DCPS: variants seen among roughly 807,000 people sequenced by gnomAD.
The protein encoded by DCPS is m7GpppX diphosphatase.
A neutral mutation model predicts 34.7 loss-of-function variants in DCPS; 27 were observed. That is an observed-to-expected ratio of 0.78 (90% confidence interval 0.57 to 1.07). DCPS has a LOEUF of 1.07. Ranked by LOEUF, DCPS falls within the 50% of genes least tolerant of loss-of-function variation. The pLI is 0.00. For missense variants in DCPS, 464 were observed against 436.9 expected (o/e 1.06, Z -0.55); for synonymous variants, 185 against 185.7 (o/e 1.00, Z 0.03).
In DCPS at chr11:126,344,713, C is replaced by T. The variant is rs1222460463; in HGVS notation, c.748-634C>T. ...TGGAGGTTGGTAGAAAAAGACCCAC[C>T]CCTGAGCAAGGTGGAGGTGGGCAAA... On this transcript the variant is annotated intron_variant, in intron 5 of 5. Transcript: ENST00000263579. This position sits in a 1 kb window ranked among gnomAD's most constrained non-coding sequence, Gnocchi z 8.1. 6.6e-6 allele frequency among the ~76,000 whole-genome samples: 1 copy of T among 152,128 alleles called. No homozygotes were observed. Among genetic ancestry groups the T allele is most frequent in the African/African-American group, 2.4e-5 (1 of 41,410 alleles).
At position 126,323,804 on chromosome 11, in the gene DCPS, G is replaced by A. The variant is rs903684379; in HGVS notation, c.377-7601G>A. ...TCCAAAGTGCTAGGATTATAGGCAT[G>A]AGCCACCAAACCTGACCCTAAAGTT... On this transcript the variant is annotated intron_variant, in intron 2 of 5. Transcript: ENST00000263579. The surrounding 1 kb of genome is among the most constrained non-coding windows in gnomAD (Gnocchi z 4.4). Among the ~76,000 whole-genome samples, 36 of 152,110 alleles carry A rather than the reference G, an allele frequency of 2.4e-4. No individual in the cohort carries two copies. The highest frequency in any genetic ancestry group is 7.4e-5 in the Non-Finnish European group (5 of 68,012).
In DCPS at chr11:126,315,465, T is replaced by C. The variant is rs1159910724; in HGVS notation, c.376+8721T>C. Among the ~76,000 whole-genome samples, 2 of 151,714 alleles carry C rather than the reference T, an allele frequency of 1.3e-5. No individual in the cohort carries two copies. The highest frequency in any genetic ancestry group is 2.4e-5 in the African/African-American group (1 of 41,184). On this transcript the variant is annotated intron_variant, in intron 2 of 5. Coordinates refer to ENST00000263579, the MANE Select transcript of DCPS (RefSeq NM_014026.6). This position sits in a 1 kb window ranked among gnomAD's most constrained non-coding sequence, Gnocchi z 6.1. ...GTTCCAGCTACTCAGGAGGCTGAAG[T>C]TGGAGGATTGCTTGAGCTCAGGAGG...
At position 126,338,916 on chromosome 11, in the gene DCPS, A is replaced by G. The variant is rs1951855766; in HGVS notation, c.636+517A>G. Among the ~76,000 whole-genome samples, 1 of 152,172 alleles carries G rather than the reference A, an allele frequency of 6.6e-6. No homozygotes were observed. The highest frequency in any genetic ancestry group is 1.5e-5 in the Non-Finnish European group (1 of 68,024). ...CCCTTGGCCCCGTGCCCTGCCTCCA[A>G]GCACCTCTGCTTCTCCTACTTTCCT... On this transcript the variant is annotated intron_variant, in intron 4 of 5. Coordinates refer to ENST00000263579, the MANE Select transcript of DCPS (RefSeq NM_014026.6). This position sits in a 1 kb window ranked among gnomAD's most constrained non-coding sequence, Gnocchi z 5.4.
At chr11:126,304,353 T>G in intron 1 of DCPS, 72 bp downstream of exon 1, 1 of 1,568,742 alleles carries the variant, frequency 6.4e-7, no homozygotes, top group Non-Finnish European at 8.7e-7. Flanking sequence ...GCAGATTTTT[T>G]TTTTTCGGAT....
rs941619662 is a variant in DCPS at position 126,312,128 on chromosome 11, A to G, written c.376+5384A>G. Among the ~76,000 whole-genome samples, 20 of 151,544 alleles carry G rather than the reference A, an allele frequency of 1.3e-4. No individual in the cohort carries two copies. Among genetic ancestry groups the G allele is most frequent in the African/African-American group, 4.6e-4 (19 of 41,232 alleles). On this transcript the variant is annotated intron_variant, in intron 2 of 5. Coordinates refer to ENST00000263579, the MANE Select transcript of DCPS (RefSeq NM_014026.6). This position sits in a 1 kb window ranked among gnomAD's most constrained non-coding sequence, Gnocchi z 5.1. ...GTGTTTTTAGTAGAGATGGGGTTTCACCACATTGGCCAGGCTAGTCTCGGA... is the reference window on the plus strand; with the variant it reads ...GTGTTTTTAGTAGAGATGGGGTTTCGCCACATTGGCCAGGCTAGTCTCGGA...
Position 126,304,196 on chromosome 11 carries a change from C to G in DCPS, c.116C>G (p.Pro39Arg). Residue 39 changes from proline to arginine, a missense_variant, in exon 1 of 6, where the codon CCT becomes CGT. Coordinates refer to ENST00000263579, the MANE Select transcript of DCPS (RefSeq NM_014026.6). ...EAGVGNGTCAPVRLPFSGFRL... is the reference protein window; with the variant it reads ...EAGVGNGTCARVRLPFSGFRL... Reference sequence around the variant, plus strand: ...GGAGTTGGAAATGGTACCTGTGCTCCTGTCCGCTTACCGTTCTCCGGCTTC... The same window carrying G: ...GGAGTTGGAAATGGTACCTGTGCTCGTGTCCGCTTACCGTTCTCCGGCTTC... 2 of 1,614,262 alleles carry G rather than the reference C, an allele frequency of 1.2e-6. No homozygotes were observed. Among genetic ancestry groups the G allele is most frequent in the African/African-American group, 2.7e-5 (2 of 75,070 alleles).
chr11:126,325,963 C>T lies in DCPS; in HGVS notation c.377-5442C>T, dbSNP rs147979956. On this transcript the variant is annotated intron_variant, in intron 2 of 5. Transcript: ENST00000263579. This position sits in a 1 kb window ranked among gnomAD's most constrained non-coding sequence, Gnocchi z 4.3. ...TGAAACCCTGTCTCTACTAAAAATA[C>T]AAGTATTAGCCAGGCGTGGTGGCGT... 6.6e-6 allele frequency among the ~76,000 whole-genome samples: 1 copy of T among 152,054 alleles called. No homozygotes were observed.
In DCPS at chr11:126,309,564, CT is replaced by C. The variant is rs565370718; in HGVS notation, c.376+2827del. ...TATTCAATACAGACGCAATGTCCTT[CT>C]TTTTTTAAGTATTTTTATTCTTCAT... On this transcript the variant is annotated intron_variant, in intron 2 of 5. Transcript: ENST00000263579. Among the ~76,000 whole-genome samples, 539 of 152,278 alleles carry C rather than the reference CT, an allele frequency of 3.5e-3. 2 individuals are homozygous for C. Among genetic ancestry groups the C allele is most frequent in the African/African-American group, 0.011 (472 of 41,558 alleles).
intron 1 of DCPS, among the ~76,000 whole-genome samples, chr11:126,306,232 A>T (rs562590572): frequency 1.3e-5 from 2 of 152,084 alleles, no homozygotes; most frequent in East Asian, 1.9e-4. Context: ...AATTAGCCAG[A>T]TGTGGTGGCA....
chr11:126,324,759 A>G (rs751576132), intron 2 of DCPS, among the ~76,000 whole-genome samples: 10 of 150,004 alleles, frequency 6.7e-5, no homozygotes, highest in Non-Finnish European at 8.8e-5. Flanking sequence ...TATAGGCATG[A>G]GCCACTGTGC....
rs749310940 is a variant in DCPS, at chr11:126,345,366, A to G, written c.767A>G (p.Tyr256Cys). ...HQGQEAILQR[Y>C]RMKGDHLRVY... ...CATCAGGAGGCCATCCTGCAGCGCT[A>G]CCGGATGAAGGGAGACCATCTGCGA... Residue 256 changes from tyrosine to cysteine, a missense_variant, in exon 6 of 6, where the codon TAC becomes TGC. By Grantham distance (194) the Tyr-to-Cys change is radical (BLOSUM62 -2). Transcript: ENST00000263579. This position sits in a 1 kb window ranked among gnomAD's most constrained non-coding sequence, Gnocchi z 7.4. 3 of 1,614,058 alleles carry G rather than the reference A, an allele frequency of 1.9e-6. No homozygotes were observed. Among genetic ancestry groups the G allele is most frequent in the Non-Finnish European group, 8.5e-7 (1 of 1,180,020 alleles).
Position 126,325,416 on chromosome 11 carries a change from T to C in DCPS, c.377-5989T>C, listed in dbSNP as rs751461795. Among the ~76,000 whole-genome samples, 36 of 152,192 alleles carry C rather than the reference T, an allele frequency of 2.4e-4. No individual in the cohort carries two copies. Among genetic ancestry groups the C allele is most frequent in the Non-Finnish European group, 4.9e-4 (33 of 68,038 alleles). On this transcript the variant is annotated intron_variant, in intron 2 of 5. Coordinates refer to ENST00000263579, the MANE Select transcript of DCPS (RefSeq NM_014026.6). This position sits in a 1 kb window ranked among gnomAD's most constrained non-coding sequence, Gnocchi z 4.3. ...ATATGTGTGTGTTTGTGCATGTGTG[T>C]GCATTTGGTGAAGGGATGGTAAAAA...
chr11:126,326,393 TGGG>T (rs1314007218), intron 2 of DCPS, among the ~76,000 whole-genome samples: 1 of 152,190 alleles, frequency 6.6e-6, no homozygotes, highest in African/African-American at 2.4e-5. Context: ...TGTGGGTCCT[TGGG>T]GGCCACTCCA....
intron 1 of DCPS, 96 bp from the exon 2 acceptor site, chr11:126,306,474 A>G: frequency 7.8e-7 from 1 of 1,275,782 alleles, no homozygotes; most frequent in Non-Finnish European, 1.1e-6. Flanking sequence ...AATCCCAAGT[A>G]TTGGGAATTC....
chr11:126,327,139 C>G lies in DCPS; in HGVS notation c.377-4266C>G, dbSNP rs1383885558. Among the ~76,000 whole-genome samples, 2 of 152,192 alleles carry G rather than the reference C, an allele frequency of 1.3e-5. No individual in the cohort carries two copies. Among genetic ancestry groups the G allele is most frequent in the African/African-American group, 2.4e-5 (1 of 41,464 alleles). On this transcript the variant is annotated intron_variant, in intron 2 of 5. Coordinates refer to ENST00000263579, the MANE Select transcript of DCPS (RefSeq NM_014026.6). This position sits in a 1 kb window ranked among gnomAD's most constrained non-coding sequence, Gnocchi z 4.1. ...AGTTGCTTCAGTGCAGGGCGCCCCTCCCCGGATCCCAACCCCGGATCTAAT... is the reference window on the plus strand; with the variant it reads ...AGTTGCTTCAGTGCAGGGCGCCCCTGCCCGGATCCCAACCCCGGATCTAAT...
intron 1 of DCPS, among the ~76,000 whole-genome samples, chr11:126,305,801 G>A (rs1182738323): frequency 6.6e-6 from 1 of 152,022 alleles, no homozygotes; most frequent in Non-Finnish European, 1.5e-5. Context: ...ATTCTGTCTG[G>A]TTCTCTCAGC....
rs1477332699 is a variant in DCPS, at chr11:126,329,129, G to A, written c.377-2276G>A. Among the ~76,000 whole-genome samples, 1 of 152,122 alleles carries A rather than the reference G, an allele frequency of 6.6e-6. No homozygotes were observed. The highest frequency in any genetic ancestry group is 1.5e-5 in the Non-Finnish European group (1 of 68,020). ...TTCAGTCTACTTCAAGCAGTCTCCC[G>A]CCTCTTGAGATCTTGGTGTGCCTGA... is the stretch of plus-strand genomic sequence containing the variant. On this transcript the variant is annotated intron_variant, in intron 2 of 5. Coordinates refer to ENST00000263579, the MANE Select transcript of DCPS (RefSeq NM_014026.6). The surrounding 1 kb of genome is among the most constrained non-coding windows in gnomAD (Gnocchi z 5.0).
At chr11:126,317,181 G>T (rs1392597293) in intron 2 of DCPS, among the ~76,000 whole-genome samples, 1 of 151,094 alleles carries the variant, frequency 6.6e-6, no homozygotes, top group Non-Finnish European at 1.5e-5. Context: ...GGATGGTCTC[G>T]ATCTCCTGAC....
rs750271358 is a variant in DCPS, at chr11:126,331,513, C to T, written c.485C>T (p.Thr162Ile). Residue 162 changes from threonine to isoleucine, a missense_variant, in exon 3 of 6, where the codon ACT becomes ATT. Transcript: ENST00000263579. The surrounding 1 kb of genome is among the most constrained non-coding windows in gnomAD (Gnocchi z 7.2). ...ACGGGAGATGACTACAGGAATATTA[C>T]TTTACCCCACCTGGAGTCCCAGAGC... ...RETGDDYRNI[T>I]LPHLESQSLS... The T allele has an allele frequency of 6.2e-7, 1 of 1,614,152 alleles. No homozygotes were observed. Among genetic ancestry groups the T allele is most frequent in the South Asian group, 1.1e-5 (1 of 91,070 alleles).
Sources: gnomAD v4.1 joint callset for allele counts (sites outside exome capture counted in the v4.1 genomes callset) on GRCh38, gnomAD v4.1.1 for gene constraint, Gnocchi (gnomAD v3.1) non-coding constraint, MANE v1.5 for transcripts, NCBI Gene and HGNC (gene_info 2026-07-23, HGNC 2026-07-21) for gene names.